The following MINK1 variants were observed in gnomAD, a reference collection of about 807,000 sequenced individuals.
MINK1 encodes the protein misshapen like kinase 1.
A neutral mutation model predicts 178.4 loss-of-function variants in MINK1; 46 were observed. That is an observed-to-expected ratio of 0.26 (90% CI 0.20 to 0.33). The LOEUF (loss-of-function observed/expected upper bound fraction) is 0.33. MINK1 is among the 10% of genes least tolerant of loss of function. The pLI is 1.00. For missense variants in MINK1, 1,366 were observed against 1,814.9 expected (o/e 0.75, Z 4.49); for synonymous variants, 797 against 709.7 (o/e 1.12, Z -1.96).
chr17:4,861,369 G>C (rs1424329973), intron 1 of MINK1, among the ~76,000 whole-genome samples: 1 of 152,164 alleles, frequency 6.6e-6, no homozygotes, highest in Non-Finnish European at 1.5e-5. Context: ...ACAACGCAGG[G>C]CACAGTGCCA....
chr17:4,892,831 C>A, intron 19 of MINK1, 63 bp downstream of exon 19: 1 of 1,470,052 alleles, frequency 6.8e-7, no homozygotes, highest in Non-Finnish European at 9.3e-7. Flanking sequence ...TGGACCCTGC[C>A]TTTGGTGGCT....
intron 1 of MINK1, among the ~76,000 whole-genome samples, chr17:4,841,520 GC>G (rs1260153964): frequency 6.8e-6 from 1 of 146,816 alleles, no homozygotes; most frequent in African/African-American, 2.5e-5. Context: ...TTCCCACAAA[GC>G]CCCCCCTCCG....
intron 1 of MINK1, among the ~76,000 whole-genome samples, chr17:4,865,439 A>C (rs1914809091): frequency 6.6e-6 from 1 of 151,884 alleles, no homozygotes; most frequent in African/African-American, 2.4e-5. Context: ...GTCTCAAAAA[A>C]TAAATAAATA....
rs202038836 is a variant in MINK1 at position 4,896,370 on chromosome 17, T to G, written c.3615+28T>G. 146 of 1,602,052 alleles carry G rather than the reference T, an allele frequency of 9.1e-5. No individual in the cohort carries two copies. Among genetic ancestry groups the G allele is most frequent in the Non-Finnish European group, 1.2e-4 (141 of 1,173,172 alleles). ...GAGCTTGGCGGGGCTGCTGGGGGAG[T>G]GGGATGGCCCAGTCTGGGCACCAGA... On this transcript the variant is annotated intron_variant, in intron 29 of 31. Coordinates refer to ENST00000355280, the MANE Select transcript of MINK1 (RefSeq NM_153827.5). This position sits in a 1 kb window ranked among gnomAD's most constrained non-coding sequence, Gnocchi z 4.6.
rs929429449 is a variant in MINK1, at chr17:4,897,451, TCACGTGAC to T, written c.*167_*174del. On this transcript the variant is annotated 3_prime_UTR_variant, in exon 32 of 32. Coordinates refer to ENST00000355280, the MANE Select transcript of MINK1 (RefSeq NM_153827.5). ...CCTCTGACCCCTGATGCTTTCGTGA[TCACGTGAC>T]CATCCTCTTCCCCAACATGTCCTCT... 6 of 611,342 alleles carry T rather than the reference TCACGTGAC, an allele frequency of 9.8e-6. No homozygotes were observed. Among genetic ancestry groups the T allele is most frequent in the Middle Eastern group, 4.4e-4 (1 of 2,280 alleles). 37.9% of individuals were successfully genotyped at this position (611,342 alleles called of 1,614,324 possible). A position where few individuals can be genotyped will look rare whatever the true frequency, so the allele number is the denominator to read the frequency against.
Position 4,887,322 on chromosome 17 carries a change from T to G in MINK1, c.1019+143T>G. 1 of 892,034 alleles carries G rather than the reference T, an allele frequency of 1.1e-6. No homozygotes were observed. The highest frequency in any genetic ancestry group is 1.7e-6 in the Non-Finnish European group (1 of 571,920). The allele number at this position is 892,034 out of a possible 1,614,324, so 55.3% of individuals were successfully genotyped here. On this transcript the variant is annotated intron_variant, in intron 11 of 31. Transcript: ENST00000355280. The surrounding 1 kb of genome is among the most constrained non-coding windows in gnomAD (Gnocchi z 7.6). ...TCCTGGAAACCAAATTTCTGAGTGCTAAGAAGTGGAACCAATGACTGAGCA... is the reference window on the plus strand; with the variant it reads ...TCCTGGAAACCAAATTTCTGAGTGCGAAGAAGTGGAACCAATGACTGAGCA...
intron 1 of MINK1, among the ~76,000 whole-genome samples, chr17:4,850,286 G>A (rs955373620): frequency 2.0e-5 from 3 of 152,166 alleles, no homozygotes; most frequent in Non-Finnish European, 4.4e-5. Context: ...TGTCTGGGAA[G>A]GTTTCTTAGG....
Position 4,889,551 on chromosome 17 carries a change from G to T in MINK1, c.1231-96G>T. 3.8e-6 allele frequency: 4 copies of T among 1,051,688 alleles called. No individual in the cohort carries two copies. The South Asian group carries it at 4.1e-5, about 11-fold the overall frequency. 65.1% of individuals were successfully genotyped at this position (1,051,688 alleles called of 1,614,324 possible). ...AAGCCGGTCTCTCTTACCACCCTCC[G>T]TGGTGAGCAAGGAGGGCTCCCCTCC... On this transcript the variant is annotated intron_variant, in intron 12 of 31. Transcript: ENST00000355280.
At chr17:4,891,762 TGAA>T (rs1176565043) in intron 16 of MINK1, 46 bp downstream of exon 16, 1 of 1,553,518 alleles carries the variant, frequency 6.4e-7, no homozygotes, top group Non-Finnish European at 8.7e-7. Flanking sequence ...GAGCTAGTCA[TGAA>T]GAGAAGGAGG....
Position 4,895,121 on chromosome 17 carries a change from C to T in MINK1, c.2964C>T (p.Asp988=), listed in dbSNP as rs377221376. 4.0e-5 allele frequency: 64 copies of T among 1,613,676 alleles called. No homozygotes were observed. Among genetic ancestry groups the T allele is most frequent in the South Asian group, 1.9e-4 (17 of 91,080 alleles). ...CTCGGCTCGACCAGCTGCAGTACGA[C>T]GTGAGGAAGGGTTCTGTGGTCAACG... The part of the protein sequence containing the change: ...EGTRLDQLQY[D]VRKGSVVNVN... The change falls in exon 25 of 32, where the codon GAC becomes GAT. Residue 988 remains aspartate (D), a synonymous_variant. Coordinates refer to ENST00000355280, the MANE Select transcript of MINK1 (RefSeq NM_153827.5). This position sits in a 1 kb window ranked among gnomAD's most constrained non-coding sequence, Gnocchi z 4.3.
intron 1 of MINK1, among the ~76,000 whole-genome samples, chr17:4,860,926 G>A (rs1166221793): frequency 6.6e-6 from 1 of 152,166 alleles, no homozygotes; most frequent in Non-Finnish European, 1.5e-5. Context: ...GGGGATTTAA[G>A]GCAGAGGAGC....
At position 4,890,947 on chromosome 17, in the gene MINK1, A is replaced by G. The variant is rs1968722922; in HGVS notation, c.1567-4A>G. On this transcript the variant is annotated splice_region_variant and splice_polypyrimidine_tract_variant and intron_variant, in intron 14 of 31. Coordinates refer to ENST00000355280, the MANE Select transcript of MINK1 (RefSeq NM_153827.5). ...GGCCTGCTTGACATCCCTTCACATC[A>G]CAGGTAGAAGAGAGAACAAGGATGA... The G allele has an allele frequency of 1.3e-6, 2 of 1,553,852 alleles. No homozygotes were observed. The highest frequency in any genetic ancestry group is 2.7e-5 in the African/African-American group (2 of 73,136).
chr17:4,886,446 T>A lies in MINK1; in HGVS notation c.774-5T>A. 1 of 1,598,390 alleles carries A rather than the reference T, an allele frequency of 6.3e-7. No homozygotes were observed. The highest frequency in any genetic ancestry group is 8.5e-7 in the Non-Finnish European group (1 of 1,171,404). On this transcript the variant is annotated splice_polypyrimidine_tract_variant and splice_region_variant and intron_variant, in intron 9 of 31. Coordinates refer to ENST00000355280, the MANE Select transcript of MINK1 (RefSeq NM_153827.5). The surrounding 1 kb of genome is among the most constrained non-coding windows in gnomAD (Gnocchi z 6.1). ...CCTCCCAGTGTGAGCCACCACTGTT[T>A]CCAGGTCTAAGAAGTTCATTGACTT...
At chr17:4,880,024 G>A (rs1319744838) in intron 2 of MINK1, among the ~76,000 whole-genome samples, 1 of 152,154 alleles carries the variant, frequency 6.6e-6, no homozygotes, top group Admixed American at 6.6e-5. Flanking sequence ...CTCCGTTAGG[G>A]TGGAGAAGTA....
intron 1 of MINK1, among the ~76,000 whole-genome samples, chr17:4,864,267 C>T (rs952298176): frequency 7.3e-5 from 11 of 151,180 alleles, no homozygotes; most frequent in Non-Finnish European, 1.5e-4. Context: ...GGCGTGGTGG[C>T]GCATGCCTGT....
At chr17:4,855,734 C>T (rs1912999683) in intron 1 of MINK1, among the ~76,000 whole-genome samples, 1 of 146,574 alleles carries the variant, frequency 6.8e-6, no homozygotes, top group Admixed American at 6.8e-5. Context: ...CGCGCCACTG[C>T]ACTCCAGCCT....
At chr17:4,837,100 T>C (rs143407680) in intron 1 of MINK1, among the ~76,000 whole-genome samples, 4 of 152,094 alleles carry the variant, frequency 2.6e-5, no homozygotes, top group African/African-American at 7.2e-5. Context: ...GGCAGGAGAA[T>C]CACTTGAACC....
intron 20 of MINK1, 57 bp from the exon 21 acceptor site, chr17:4,893,377 G>C: frequency 6.2e-7 from 1 of 1,608,276 alleles, no homozygotes; most frequent in Non-Finnish European, 8.5e-7. Context: ...GGCACCCTTT[G>C]TCTACCTCCA....
At chr17:4,873,221 T>TA (rs1966880382) in intron 1 of MINK1, among the ~76,000 whole-genome samples, 1 of 152,228 alleles carries the variant, frequency 6.6e-6, no homozygotes, top group Non-Finnish European at 1.5e-5. Flanking sequence ...CTCCAACTCT[T>TA]ACACTCACGA....
Sources: allele counts gnomAD v4.1 joint callset (sites outside exome capture counted in the v4.1 genomes callset), GRCh38; gene constraint gnomAD v4.1.1; non-coding constraint Gnocchi (gnomAD v3.1); transcripts MANE v1.5; gene names NCBI Gene and HGNC (gene_info 2026-07-23, HGNC 2026-07-21).